The following GINS1 variants were observed in gnomAD, a reference collection of about 807,000 sequenced individuals.
The protein encoded by GINS1 is DNA replication complex GINS protein PSF1.
GINS1 carries 26 observed loss-of-function variants against 34.9 expected under a neutral mutation model. That is an observed-to-expected ratio of 0.74 (90% CI 0.55 to 1.03). The LOEUF is 1.03. Among genes scored for constraint, GINS1 ranks in the 50% least tolerant of loss-of-function variants. The probability of loss-of-function intolerance (pLI) is 0.00; values close to 1 mark genes in which losing one functional copy is unlikely to be tolerated. For missense variants in GINS1, 235 were observed against 237.9 expected (o/e 0.99, Z 0.08); for synonymous variants, 97 against 84.4 (o/e 1.15, Z -0.82).
In GINS1 at chr20:25,418,148, G is replaced by A. The variant is rs749983204; in HGVS notation, c.283G>A (p.Gly95Ser). The change falls in exon 4 of 7, where the codon GGT (glycine) becomes AGT (serine). Residue 95 changes from glycine to serine, a missense_variant. Physicochemically the swap from Gly to Ser is moderately conservative, Grantham distance 56. Transcript: ENST00000262460. ...LRIRALRWEYGSVLPNALRFH... is the reference protein window; with the variant it reads ...LRIRALRWEYSSVLPNALRFH... ...GATCAGAGCACTCAGATGGGAATATGGTAGCGTCTTGCCAAATGCATTACG... is the reference window on the plus strand; with the variant it reads ...GATCAGAGCACTCAGATGGGAATATAGTAGCGTCTTGCCAAATGCATTACG... 1 of 1,605,494 alleles carries A rather than the reference G, an allele frequency of 6.2e-7. No individual in the cohort carries two copies. The highest frequency in any genetic ancestry group is 8.5e-7 in the Non-Finnish European group (1 of 1,172,010).
At chr20:25,425,804 T>G (rs2090387504) in intron 5 of GINS1, among the ~76,000 whole-genome samples, 1 of 152,210 alleles carries the variant, frequency 6.6e-6, no homozygotes, top group Non-Finnish European at 1.5e-5. Context: ...TATTTTTGTT[T>G]CATTTTGTTT....
chr20:25,430,478 A>G (rs1051632735), intron 5 of GINS1, among the ~76,000 whole-genome samples: 2 of 151,952 alleles, frequency 1.3e-5, no homozygotes, highest in African/African-American at 2.4e-5. Context: ...TTTATGATGA[A>G]CTCTTTTACT....
At chr20:25,431,535 C>G (rs1158023894) in intron 5 of GINS1, among the ~76,000 whole-genome samples, 2 of 148,218 alleles carry the variant, frequency 1.3e-5, no homozygotes, top group Non-Finnish European at 3.0e-5. Context: ...GTTTTTGTTT[C>G]TTTTTTCTTT....
Position 25,407,725 on chromosome 20 carries a change from G to A in GINS1, c.-96G>A, listed in dbSNP as rs984881634. On this transcript the variant is annotated 5_prime_UTR_variant, in exon 1 of 7. Transcript: ENST00000262460. The stretch of plus-strand genomic sequence containing the variant: ...CCGAGGCGAGAGCCTGGCGCTGTAG[G>A]ACTAGAACGAAAGGAGTGAGGCGCC... 1.1e-6 allele frequency: 1 copy of A among 936,924 alleles called. No homozygotes were observed. Among genetic ancestry groups the A allele is most frequent in the African/African-American group, 1.6e-5 (1 of 61,372 alleles). 58.0% of individuals were successfully genotyped at this position (936,924 alleles called of 1,614,324 possible).
chr20:25,420,237 G>A (rs6050600), intron 4 of GINS1, among the ~76,000 whole-genome samples: 82,069 of 151,660 alleles, frequency 0.54, 22,776 homozygotes, highest in Admixed American at 0.61. Context: ...GGGTTCAAGC[G>A]ATTCTCCTGC....
At chr20:25,445,013 C>T (rs1043916769) in intron 6 of GINS1, among the ~76,000 whole-genome samples, 13 of 152,198 alleles carry the variant, frequency 8.5e-5, no homozygotes, top group African/African-American at 1.4e-4. Flanking sequence ...TAATCCAAAT[C>T]GCACCTATCT....
At chr20:25,422,367 A>C (rs2090360725) in intron 4 of GINS1, among the ~76,000 whole-genome samples, 1 of 151,854 alleles carries the variant, frequency 6.6e-6, no homozygotes, top group Admixed American at 6.6e-5. Context: ...TGAGCTCACG[A>C]GTTTGAGACC....
At chr20:25,428,912 T>G (rs1213191142) in intron 5 of GINS1, among the ~76,000 whole-genome samples, 1 of 151,826 alleles carries the variant, frequency 6.6e-6, no homozygotes, top group African/African-American at 2.4e-5. Context: ...TCGATTGTTG[T>G]AGCTTTGCAG....
At chr20:25,408,206 A>C (rs897523101) in intron 1 of GINS1, among the ~76,000 whole-genome samples, 6 of 152,226 alleles carry the variant, frequency 3.9e-5, no homozygotes, top group African/African-American at 1.4e-4. Flanking sequence ...TCAGGCATCT[A>C]ATCGTGGTCA....
At chr20:25,420,551 C>A (rs2090348471) in intron 4 of GINS1, among the ~76,000 whole-genome samples, 2 of 151,850 alleles carry the variant, frequency 1.3e-5, no homozygotes, top group African/African-American at 4.8e-5. Context: ...TTCCTTCTAC[C>A]CCAGTGACCT....
At chr20:25,440,930 C>T (rs532565359) in intron 5 of GINS1, among the ~76,000 whole-genome samples, 19 of 151,898 alleles carry the variant, frequency 1.3e-4, no homozygotes, top group Middle Eastern at 3.4e-3. Context: ...GGTAAGGTTC[C>T]GGAGGGATGG....
chr20:25,426,420 G>A (rs527548589), intron 5 of GINS1, among the ~76,000 whole-genome samples: 11 of 151,794 alleles, frequency 7.2e-5, no homozygotes, highest in South Asian at 2.1e-4. Flanking sequence ...AAAATTAGCC[G>A]GGCACATGCC....
At chr20:25,439,001 T>C (rs1367818993) in intron 5 of GINS1, among the ~76,000 whole-genome samples, 1 of 152,248 alleles carries the variant, frequency 6.6e-6, no homozygotes, top group Non-Finnish European at 1.5e-5. Flanking sequence ...ATACAAACTC[T>C]ATCTTAAGGT....
intron 5 of GINS1, among the ~76,000 whole-genome samples, chr20:25,434,384 C>T (rs1285415838): frequency 1.3e-5 from 2 of 151,806 alleles, no homozygotes; most frequent in Non-Finnish European, 2.9e-5. Context: ...TGTCTTAGTC[C>T]ATTTGAGCAG....
At chr20:25,428,397 CTTTTT>C (rs544831869) in intron 5 of GINS1, among the ~76,000 whole-genome samples, 3 of 66,582 alleles carry the variant, frequency 4.5e-5, no homozygotes, top group African/African-American at 1.9e-4. Context: ...AGCATAATTT[CTTTTT>C]TTTTTTTTTT....
At chr20:25,412,434 A>G (rs2090291930) in intron 1 of GINS1, among the ~76,000 whole-genome samples, 1 of 151,876 alleles carries the variant, frequency 6.6e-6, no homozygotes. Flanking sequence ...GGGCGCCTGT[A>G]ATCCCAGCTA....
intron 5 of GINS1, among the ~76,000 whole-genome samples, chr20:25,425,806 ATTTTGTTTAT>A (rs2090387552): frequency 6.6e-6 from 1 of 152,154 alleles, no homozygotes; most frequent in Admixed American, 6.5e-5. Context: ...TTTTTGTTTC[ATTTTGTTTAT>A]TTTTTCTATT....
Position 25,407,718 on chromosome 20 carries a change from G to A in GINS1, c.-103G>A. On this transcript the variant is annotated 5_prime_UTR_variant, in exon 1 of 7. Coordinates refer to ENST00000262460, the MANE Select transcript of GINS1 (RefSeq NM_021067.5). Reference sequence around the variant, plus strand: ...GCGGAGGCCGAGGCGAGAGCCTGGCGCTGTAGGACTAGAACGAAAGGAGTG... The same window carrying A: ...GCGGAGGCCGAGGCGAGAGCCTGGCACTGTAGGACTAGAACGAAAGGAGTG... 2 of 889,250 alleles carry A rather than the reference G, an allele frequency of 2.2e-6. No homozygotes were observed. Among genetic ancestry groups the A allele is most frequent in the Admixed American group, 2.1e-5 (1 of 48,462 alleles). The allele number at this position is 889,250 out of a possible 1,614,324, so 55.1% of individuals were successfully genotyped here.
At chr20:25,418,786 T>A (rs183021744) in intron 4 of GINS1, among the ~76,000 whole-genome samples, 1 of 152,360 alleles carries the variant, frequency 6.6e-6, no homozygotes, top group Non-Finnish European at 1.5e-5. Context: ...AGAGTGTTTA[T>A]TGGGGCTTCA....
Sources: gnomAD v4.1 joint callset for allele counts (sites outside exome capture counted in the v4.1 genomes callset) on GRCh38, gnomAD v4.1.1 for gene constraint, MANE v1.5 for transcripts, NCBI Gene and HGNC (gene_info 2026-07-23, HGNC 2026-07-21) for gene names.